The following SYNE2 variants were observed in gnomAD, a reference collection of about 807,000 sequenced individuals.
The protein encoded by SYNE2 is nesprin-2.
SYNE2 carries 431 observed loss-of-function variants against 856.3 expected under a neutral mutation model. The ratio of observed to expected loss-of-function variants is 0.50; its 90% confidence interval spans 0.47 to 0.55. The LOEUF is 0.55. SYNE2 is among the 20% of genes least tolerant of loss of function. SYNE2 has a pLI of 0.00. For missense variants in SYNE2, 8,129 were observed against 8,023.2 expected, an observed-to-expected ratio of 1.01 and a Z score of -0.50; for synonymous variants, 2,923 against 2,872.3, an observed-to-expected ratio of 1.02 and a Z score of -0.56.
chr14:64,080,460 T>C lies in SYNE2; in HGVS notation c.11168T>C (p.Met3723Thr), dbSNP rs567153233. 3.7e-6 allele frequency: 6 copies of C among 1,614,110 alleles called. No individual in the cohort carries two copies. The Admixed American group carries it at 1.0e-4, about 27-fold the overall frequency. Residue 3723 changes from methionine to threonine, a missense_variant, in exon 56 of 116, where the codon ATG becomes ACG. Physicochemically the swap from Met to Thr is moderately conservative, Grantham distance 81 (BLOSUM62 -1). Around this residue, in one of 3 missense-constraint regions of SYNE2, gnomAD observed 5,410 missense variants for 5,284.8 expected, o/e 1.02. Transcript: ENST00000555002. ...ACTTACGATTTCCTTCTCCAGAAAA[T>C]GTGGGACGAGTTAGATCTATGGCAT... ...IEKAQEIQKK[M>T]WDELDLWHSK...
In SYNE2 at chr14:64,209,431, CGAG is replaced by C. The variant is rs1567649807; in HGVS notation, c.18397_18399del (p.Glu6133del). ...TAAGTTGCTTTGCTCCCATCAGAAT[CGAG>C]GAGACGTGGCGCCTGTGGCAGAAGT... On this transcript the variant is annotated inframe_deletion, in exon 102 of 116. Coordinates refer to ENST00000555002, the MANE Select transcript of SYNE2 (RefSeq NM_182914.3). The C allele has an allele frequency of 2.5e-6, 4 of 1,614,224 alleles. No homozygotes were observed. In the Admixed American group the frequency reaches 6.7e-5, roughly 27 times the overall value.
intron 1 of SYNE2, among the ~76,000 whole-genome samples, 192 bp downstream of exon 1, chr14:63,853,335 G>A (rs1890851890): frequency 6.6e-6 from 1 of 151,900 alleles, no homozygotes; most frequent in Non-Finnish European, 1.5e-5. Flanking sequence ...GGAGAGCGGG[G>A]TGCGCGGAGG....
intron 2 of SYNE2, among the ~76,000 whole-genome samples, chr14:63,914,156 C>G (rs1452037326): frequency 6.6e-6 from 1 of 152,176 alleles, no homozygotes; most frequent in African/African-American, 2.4e-5. Flanking sequence ...TTGTCAGAAA[C>G]AACATCTGTG....
chr14:63,767,280 AT>A (rs111541143), intron 1 of SYNE2, among the ~76,000 whole-genome samples: 7 of 149,302 alleles, frequency 4.7e-5, no homozygotes, highest in African/African-American at 7.4e-5. Flanking sequence ...TAATTTTTGT[AT>A]TTTTTTTTAG....
At chr14:63,968,861 G>C (rs1012583617) in intron 11 of SYNE2, among the ~76,000 whole-genome samples, 15 of 152,152 alleles carry the variant, frequency 9.9e-5, no homozygotes, top group Non-Finnish European at 1.8e-4. Context: ...CACTCTTCAA[G>C]TTATTTTAAA....
intron 45 of SYNE2, among the ~76,000 whole-genome samples, chr14:64,040,394 C>T (rs2097139033): frequency 6.6e-6 from 1 of 151,404 alleles, no homozygotes; most frequent in African/African-American, 2.4e-5. Context: ...ACTTTGAGAA[C>T]AAAAGGACGG....
At chr14:63,947,472 T>A (rs760225898) in intron 6 of SYNE2, among the ~76,000 whole-genome samples, 29 of 152,224 alleles carry the variant, frequency 1.9e-4, no homozygotes, top group Admixed American at 1.7e-3. Flanking sequence ...ATCAATTTTG[T>A]ATGTTATGTT....
chr14:63,958,625 T>C (rs2096270067), intron 8 of SYNE2, among the ~76,000 whole-genome samples: 1 of 152,120 alleles, frequency 6.6e-6, no homozygotes, highest in Admixed American at 6.5e-5. Context: ...AAGTTACTCT[T>C]TTCTCCCCCT....
chr14:64,120,962 G>A lies in SYNE2; in HGVS notation c.13059G>A (p.Glu4353=). The A allele has an allele frequency of 6.2e-7, 1 of 1,614,158 alleles. No homozygotes were observed. The highest frequency in any genetic ancestry group is 1.1e-5 in the South Asian group (1 of 91,086). ...TTCTAAAGAAATCCTCAGAGCCAGA[G>A]CATCAAGAAGCTCTCCAACCAGTTA... The part of the protein sequence containing the change: ...PTILKKSSEP[E]HQEALQPVNL... The change falls in exon 68 of 116, where the codon GAG becomes GAA. Residue 4353 remains glutamate (E), a synonymous_variant. Coordinates refer to ENST00000555002, the MANE Select transcript of SYNE2 (RefSeq NM_182914.3).
intron 7 of SYNE2, among the ~76,000 whole-genome samples, chr14:63,951,728 T>C (rs2096164182): frequency 1.3e-5 from 2 of 152,212 alleles, no homozygotes; most frequent in Non-Finnish European, 2.9e-5. Context: ...TAGAGATAAT[T>C]TGTACTCCAG....
chr14:63,935,244 A>G (rs2095815879), intron 2 of SYNE2, among the ~76,000 whole-genome samples: 1 of 152,186 alleles, frequency 6.6e-6, no homozygotes, highest in Non-Finnish European at 1.5e-5. Flanking sequence ...TCAGAACTCA[A>G]TTTAGTTCAG....
chr14:63,855,370 G>A (rs1196753388), intron 1 of SYNE2, among the ~76,000 whole-genome samples: 1 of 152,142 alleles, frequency 6.6e-6, no homozygotes, highest in African/African-American at 2.4e-5. Flanking sequence ...GAATGGCAAA[G>A]ACCTGACAGT....
chr14:63,929,127 G>C (rs2095710869), intron 2 of SYNE2, among the ~76,000 whole-genome samples: 1 of 152,136 alleles, frequency 6.6e-6, no homozygotes, highest in South Asian at 2.1e-4. Flanking sequence ...GGCCACTCTT[G>C]ATGGGCTCCT....
At chr14:63,860,638 T>C (rs1177572062) in intron 1 of SYNE2, among the ~76,000 whole-genome samples, 2 of 152,264 alleles carry the variant, frequency 1.3e-5, no homozygotes, top group Admixed American at 1.3e-4. Context: ...CAGCTGACTT[T>C]TAGTCTTCCT....
rs1487612272 is a variant in SYNE2 at position 64,098,161 on chromosome 14, A to G, written c.12306+15A>G. The G allele has an allele frequency of 6.2e-7, 1 of 1,613,334 alleles. No homozygotes were observed. Among genetic ancestry groups the G allele is most frequent in the South Asian group, 1.1e-5 (1 of 91,044 alleles). ...CTGAGCGGAAGGTGGGTATGACTTT[A>G]GGTTAATGCTGGCCCCACACTCCAC... On this transcript the variant is annotated intron_variant, in intron 62 of 115. Coordinates refer to ENST00000555002, the MANE Select transcript of SYNE2 (RefSeq NM_182914.3).
At chr14:64,042,476 A>G (rs2097156271) in intron 45 of SYNE2, among the ~76,000 whole-genome samples, 1 of 152,198 alleles carries the variant, frequency 6.6e-6, no homozygotes, top group Admixed American at 6.5e-5. Flanking sequence ...CTGTGTCCCC[A>G]CCCAAATCTC....
At chr14:64,068,838 G>A (rs1214551393) in intron 51 of SYNE2, among the ~76,000 whole-genome samples, 4 of 139,076 alleles carry the variant, frequency 2.9e-5, no homozygotes, top group Non-Finnish European at 3.0e-5. Flanking sequence ...CTCCAGCCTG[G>A]GTGACAGAGA....
intron 1 of SYNE2, among the ~76,000 whole-genome samples, chr14:63,801,960 G>C (rs1003333228): frequency 7.0e-6 from 1 of 142,918 alleles, no homozygotes; most frequent in African/African-American, 2.5e-5. Context: ...TCTTAAGAAG[G>C]TCTTTTTAAA....
At chr14:63,773,224 G>T (rs1460425692) in intron 1 of SYNE2, among the ~76,000 whole-genome samples, 1 of 151,624 alleles carries the variant, frequency 6.6e-6, no homozygotes, top group African/African-American at 2.4e-5. Context: ...TTTTTGGACA[G>T]GGTCTCACTC....
Sources: allele counts gnomAD v4.1 joint callset (sites outside exome capture counted in the v4.1 genomes callset), GRCh38; gene constraint gnomAD v4.1.1; regional missense constraint gnomAD v4.1.1; transcripts MANE v1.5; gene names NCBI Gene and HGNC (gene_info 2026-07-23, HGNC 2026-07-21).